Variants in BAIAP2L1 observed in about 807,000 individuals in gnomAD.
BAIAP2L1 encodes the protein BAR/IMD domain containing adaptor protein 2 like 1, also known as BAR/IMD domain-containing adapter protein 2-like 1.
Under a neutral mutation model 66.3 loss-of-function variants are expected in BAIAP2L1, and 35 were observed. That is an observed-to-expected ratio of 0.53 (90% CI 0.40 to 0.70). BAIAP2L1 has a LOEUF of 0.70. Among genes scored for constraint, BAIAP2L1 ranks in the 30% least tolerant of loss-of-function variants. The pLI is 0.00. For synonymous variants in BAIAP2L1, 269 were observed against 248.7 expected, an observed-to-expected ratio of 1.08 and a Z score of -0.77; for missense variants, 622 against 656.9, an observed-to-expected ratio of 0.95 and a Z score of 0.58.
chr7:98,312,002 G>T, intron 8 of BAIAP2L1, 95 bp downstream of exon 8: 2 of 1,282,690 alleles, frequency 1.6e-6, no homozygotes, highest in South Asian at 1.5e-5. Flanking sequence ...AAGTAATAAA[G>T]GGGGACCTGT....
chr7:98,325,996 A>C (rs760632973), intron 3 of BAIAP2L1, among the ~76,000 whole-genome samples: 8 of 152,214 alleles, frequency 5.3e-5, no homozygotes, highest in Non-Finnish European at 1.0e-4. Flanking sequence ...CCAACACTGC[A>C]CAAGCAGCGG....
Position 98,304,076 on chromosome 7 carries a change from C to T in BAIAP2L1, c.1422+120G>A, listed in dbSNP as rs2269965. ...AGCAAGTCCCCTCCTCCCTCCTCCC[C>T]GGGGACACCACTCTCCCCCTGGGGA... On this transcript the variant is annotated intron_variant, in intron 12 of 13. Transcript: ENST00000005260. The T allele has an allele frequency of 7.8e-3, 8,578 of 1,095,250 alleles. 427 individuals are homozygous for T. In the East Asian group the frequency reaches 0.12, roughly 16 times the overall value. 67.8% of individuals were successfully genotyped at this position (1,095,250 alleles called of 1,614,324 possible). A position where few individuals can be genotyped will look rare whatever the true frequency, so the allele number is the denominator to read the frequency against.
chr7:98,377,547 G>A (rs148840525), intron 1 of BAIAP2L1, among the ~76,000 whole-genome samples: 14 of 152,150 alleles, frequency 9.2e-5, no homozygotes, highest in East Asian at 3.9e-4. Context: ...GGCCAGGCCC[G>A]GTGGCTCACG....
intron 3 of BAIAP2L1, among the ~76,000 whole-genome samples, chr7:98,321,989 G>A (rs894794159): frequency 6.6e-6 from 1 of 152,124 alleles, no homozygotes. Flanking sequence ...CCAGCTACTT[G>A]GGAGGCTGAG....
At chr7:98,391,064 G>T (rs1401242766) in intron 1 of BAIAP2L1, among the ~76,000 whole-genome samples, 1 of 150,220 alleles carries the variant, frequency 6.7e-6, no homozygotes, top group Admixed American at 6.7e-5. Flanking sequence ...GGATGGTCTC[G>T]ATCTCTTGAC....
chr7:98,315,601 G>T lies in BAIAP2L1; in HGVS notation c.498C>A (p.Thr166=). ...YEHKEIEYVE[T]VTSRQSEIQK... is the part of the protein sequence containing the mutation. ...GGATTTCACTCTGACGAGAAGTAACGGTCTCCACATACTAAAAAAAAAAAA... is the reference window on the plus strand; with the variant it reads ...GGATTTCACTCTGACGAGAAGTAACTGTCTCCACATACTAAAAAAAAAAAA... The change falls in exon 7 of 14, where the codon ACC becomes ACA. Residue 166 remains threonine (T), a synonymous_variant. Transcript: ENST00000005260. The T allele has an allele frequency of 1.4e-6, 2 of 1,386,816 alleles. No individual in the cohort carries two copies. Among genetic ancestry groups the T allele is most frequent in the Non-Finnish European group, 1.9e-6 (2 of 1,056,620 alleles). 85.9% of individuals were successfully genotyped at this position (1,386,816 alleles called of 1,614,324 possible).
chr7:98,343,237 GA>G (rs1186355923), intron 3 of BAIAP2L1, among the ~76,000 whole-genome samples: 7 of 123,300 alleles, frequency 5.7e-5, no homozygotes, highest in East Asian at 4.8e-4. Context: ...GTCTCTACTG[GA>G]AAAAAAAAAT....
At chr7:98,389,285 T>G (rs1444165637) in intron 1 of BAIAP2L1, among the ~76,000 whole-genome samples, 1 of 152,130 alleles carries the variant, frequency 6.6e-6, no homozygotes, top group East Asian at 1.9e-4. Context: ...TTCCAACCCC[T>G]ACCCCAATCT....
At chr7:98,380,868 G>A (rs1802743466) in intron 1 of BAIAP2L1, among the ~76,000 whole-genome samples, 1 of 150,760 alleles carries the variant, frequency 6.6e-6, no homozygotes, top group South Asian at 2.1e-4. Context: ...AAGGATTCAG[G>A]GATCTAAATC....
At position 98,323,803 on chromosome 7, in the gene BAIAP2L1, C is replaced by T. The variant is rs1801310735; in HGVS notation, c.215-3505G>A. ...CAGCAGCTGGCCGCCGCGGAGTCAG[C>T]GGTCACAGAAAGGATTAACACACAT... On this transcript the variant is annotated intron_variant, in intron 3 of 13. Coordinates refer to ENST00000005260, the MANE Select transcript of BAIAP2L1 (RefSeq NM_018842.5). 2.0e-5 allele frequency among the ~76,000 whole-genome samples: 3 copies of T among 152,204 alleles called. No homozygotes were observed. In the South Asian group the frequency reaches 6.2e-4, roughly 31 times the overall value.
chr7:98,317,499 C>CCCCACA, intron 5 of BAIAP2L1, 143 bp from the exon 6 acceptor site: 1 of 1,011,566 alleles, frequency 9.9e-7, no homozygotes, highest in Non-Finnish European at 1.5e-6. Context: ...TGGCTGGGGC[C>CCCCACA]CCCACACCCA....
intron 10 of BAIAP2L1, 159 bp from the exon 11 acceptor site, chr7:98,306,675 GA>G: frequency 9.5e-7 from 1 of 1,047,260 alleles, no homozygotes; most frequent in Non-Finnish European, 1.4e-6. Flanking sequence ...GGTAAATATG[GA>G]CTTTCACATA....
At chr7:98,345,555 T>C (rs1296583126) in intron 3 of BAIAP2L1, among the ~76,000 whole-genome samples, 1 of 151,926 alleles carries the variant, frequency 6.6e-6, no homozygotes. Context: ...TGAAACCCCA[T>C]CTTTACTAAA....
chr7:98,350,061 G>A (rs548819626), intron 3 of BAIAP2L1, among the ~76,000 whole-genome samples: 50 of 151,832 alleles, frequency 3.3e-4, no homozygotes, highest in African/African-American at 1.1e-3. Flanking sequence ...AGGCTGCAAT[G>A]AGCCATGATG....
intron 1 of BAIAP2L1, among the ~76,000 whole-genome samples, chr7:98,388,732 G>A (rs749541555): frequency 2.2e-4 from 33 of 152,232 alleles, no homozygotes; most frequent in Middle Eastern, 6.8e-3. Flanking sequence ...CCAGCACTTT[G>A]GGAGACCGAT....
chr7:98,391,552 A>G (rs576051574), intron 1 of BAIAP2L1, among the ~76,000 whole-genome samples: 1 of 152,024 alleles, frequency 6.6e-6, no homozygotes, highest in African/African-American at 2.4e-5. Flanking sequence ...TACTAAAAAT[A>G]CAAAAAAAAA....
intron 3 of BAIAP2L1, among the ~76,000 whole-genome samples, chr7:98,325,401 G>A (rs1801357610): frequency 6.6e-6 from 1 of 151,876 alleles, no homozygotes; most frequent in South Asian, 2.1e-4. Flanking sequence ...TTGGAGGCCA[G>A]GTGTGGTGGC....
intron 1 of BAIAP2L1, among the ~76,000 whole-genome samples, chr7:98,389,467 C>CA (rs1802975424): frequency 6.6e-6 from 1 of 151,960 alleles, no homozygotes; most frequent in South Asian, 2.1e-4. Context: ...TACAGGTACC[C>CA]ACCACCATGC....
intron 7 of BAIAP2L1, among the ~76,000 whole-genome samples, chr7:98,313,958 G>A (rs956324335): frequency 1.3e-5 from 2 of 150,026 alleles, no homozygotes; most frequent in Non-Finnish European, 1.5e-5. Flanking sequence ...TCTTATTTAG[G>A]GAGCTGAATA....
Sources: gnomAD v4.1 joint callset for allele counts (sites outside exome capture counted in the v4.1 genomes callset) on GRCh38, gnomAD v4.1.1 for gene constraint, MANE v1.5 for transcripts, NCBI Gene and HGNC (gene_info 2026-07-23, HGNC 2026-07-21) for gene names.